SPATA9: variants seen among roughly 807,000 people sequenced by gnomAD.
SPATA9 encodes spermatogenesis-associated protein 9.
A neutral mutation model predicts 25.5 loss-of-function variants in SPATA9; 27 were observed. That is an observed-to-expected ratio of 1.06 (90% confidence interval 0.78 to 1.46). SPATA9 has a LOEUF of 1.46. Ranked by LOEUF, SPATA9 falls within the 40% of genes most tolerant of loss-of-function variation. The pLI is 0.00. For synonymous variants in SPATA9, 102 were observed against 105.7 expected (o/e 0.97, Z 0.21); for missense variants, 282 against 297.5 (o/e 0.95, Z 0.38).
At chr5:95,676,936 T>TCCTTC (rs763907851) in intron 2 of SPATA9, among the ~76,000 whole-genome samples, 3 of 152,224 alleles carry the variant, frequency 2.0e-5, no homozygotes, top group African/African-American at 4.8e-5. Context: ...TTTTTCTCTT[T>TCCTTC]CCTTCCCTTC....
the SPATA9 span, among the ~76,000 whole-genome samples, chr5:95,706,439 C>T: frequency 1.3e-5 from 2 of 151,822 alleles, no homozygotes; most frequent in East Asian, 3.9e-4. Context: ...GTCGTGCCTG[C>T]TTCCTTTTCA....
intron 1 of SPATA9, among the ~76,000 whole-genome samples, chr5:95,688,432 T>C (rs1237077897): frequency 1.2e-4 from 19 of 152,148 alleles, no homozygotes. Context: ...CTAAAATTTT[T>C]ATAGAGATGG....
intron 1 of SPATA9, among the ~76,000 whole-genome samples, chr5:95,693,562 A>C (rs1471970444): frequency 6.6e-6 from 1 of 152,212 alleles, no homozygotes; most frequent in Non-Finnish European, 1.5e-5. Flanking sequence ...ATGTTGTAAA[A>C]CTACAAAGAA....
chr5:95,730,799 TCTGCAGCAGC>T, the SPATA9 span: 1 of 436,156 alleles, frequency 2.3e-6, no homozygotes, highest in Non-Finnish European at 4.6e-6. Context: ...AAGAACTCTT[TCTGCAGCAGC>T]ATGAATGTTG....
At chr5:95,688,827 A>C (rs544643256) in intron 1 of SPATA9, among the ~76,000 whole-genome samples, 1 of 152,174 alleles carries the variant, frequency 6.6e-6, no homozygotes, top group South Asian at 2.1e-4. Context: ...TTCACAACAT[A>C]TCCATATAAC....
intron 1 of SPATA9, among the ~76,000 whole-genome samples, chr5:95,694,306 G>A (rs1156338953): frequency 6.6e-6 from 1 of 152,144 alleles, no homozygotes; most frequent in Admixed American, 6.5e-5. Flanking sequence ...TGACTTAAAA[G>A]TACAGATTTT....
intron 3 of SPATA9, among the ~76,000 whole-genome samples, chr5:95,672,222 A>G (rs1752451801): frequency 6.6e-6 from 1 of 152,162 alleles, no homozygotes; most frequent in African/African-American, 2.4e-5. Context: ...GGACTCAAAC[A>G]ATTGCATCCA....
downstream of SPATA9, chr5:95,652,185 C>T: frequency 6.8e-7 from 1 of 1,461,032 alleles, no homozygotes; most frequent in Non-Finnish European, 9.2e-7. Context: ...GAGAAGAAAG[C>T]TGTGAATGAA....
the SPATA9 span, chr5:95,731,457 A>G: frequency 1.4e-5 from 17 of 1,212,080 alleles, 1 homozygote; most frequent in South Asian, 1.9e-4. Context: ...CTCCCTGAGT[A>G]GCGGCAGCTT....
chr5:95,664,003 T>G lies in SPATA9; in HGVS notation c.424A>C (p.Thr142Pro). The change falls in exon 4 of 5, where the codon ACT becomes CCT. Residue 142 changes from threonine to proline, a missense_variant. By Grantham distance (38) the Thr-to-Pro change is conservative. Coordinates refer to ENST00000274432, the MANE Select transcript of SPATA9 (RefSeq NM_031952.4). ...LFEIISFPAK[T>P]ALTSIIYASY... ...GCATATATTATGCTAGTTAAAGCAGTCTTTGCTGGAAAGGAGATGATTTCA... is the reference window on the plus strand; with the variant it reads ...GCATATATTATGCTAGTTAAAGCAGGCTTTGCTGGAAAGGAGATGATTTCA... 1 of 1,599,858 alleles carries G rather than the reference T, an allele frequency of 6.3e-7. No individual in the cohort carries two copies. The highest frequency in any genetic ancestry group is 2.2e-5 in the East Asian group (1 of 44,564).
intron 3 of SPATA9, among the ~76,000 whole-genome samples, chr5:95,673,376 TTGTGTG>T (rs10557096): frequency 4.7e-5 from 7 of 150,354 alleles, no homozygotes; most frequent in Non-Finnish European, 1.0e-4. Flanking sequence ...GTGTGTGTGT[TTGTGTG>T]TGTGTGTGTG....
chr5:95,702,430 T>A (rs937237211), upstream of SPATA9, among the ~76,000 whole-genome samples: 1 of 152,134 alleles, frequency 6.6e-6, no homozygotes, highest in Non-Finnish European at 1.5e-5. Flanking sequence ...GTCCCCAGTT[T>A]ACAGAAGCTC....
chr5:95,704,722 G>T, the SPATA9 span, among the ~76,000 whole-genome samples: 1 of 152,086 alleles, frequency 6.6e-6, no homozygotes, highest in Non-Finnish European at 1.5e-5. Context: ...ATAAAGAACA[G>T]AAATTTATTT....
chr5:95,704,784 G>A, the SPATA9 span, among the ~76,000 whole-genome samples: 1 of 152,064 alleles, frequency 6.6e-6, no homozygotes, highest in Non-Finnish European at 1.5e-5. Flanking sequence ...GACATTTTTT[G>A]AGGATCAGTC....
intron 3 of SPATA9, among the ~76,000 whole-genome samples, chr5:95,667,322 G>A (rs1201459272): frequency 2.0e-5 from 3 of 148,774 alleles, no homozygotes; most frequent in South Asian, 2.2e-4. Flanking sequence ...GAGTGGGGGG[G>A]TGGGGGTGCT....
chr5:95,731,155 G>A, the SPATA9 span: 219 of 1,017,080 alleles, frequency 2.2e-4, no homozygotes, highest in African/African-American at 3.4e-3. Flanking sequence ...CCGCGCGGGC[G>A]GCTCCTTTGT....
chr5:95,662,627 A>G (rs552245829), intron 4 of SPATA9, among the ~76,000 whole-genome samples: 69 of 152,350 alleles, frequency 4.5e-4, no homozygotes, highest in South Asian at 1.7e-3. Flanking sequence ...GAGTAAGAGA[A>G]GAAATTTGTC....
intron 3 of SPATA9, among the ~76,000 whole-genome samples, chr5:95,666,745 AT>A (rs1751846342): frequency 1.3e-5 from 2 of 151,942 alleles, no homozygotes. Flanking sequence ...GCATCATGAG[AT>A]TTCTTGAGTG....
the SPATA9 span, among the ~76,000 whole-genome samples, chr5:95,723,670 C>T: frequency 1.3e-5 from 2 of 152,170 alleles, no homozygotes; most frequent in African/African-American, 4.8e-5. Context: ...GAGCTGATTT[C>T]TAGGCAAGTG....
Sources: allele counts gnomAD v4.1 joint callset (sites outside exome capture counted in the v4.1 genomes callset), GRCh38; gene constraint gnomAD v4.1.1; transcripts MANE v1.5; gene names NCBI Gene and HGNC (gene_info 2026-07-23, HGNC 2026-07-21).